Variants in SCLT1 observed in about 807,000 individuals in gnomAD.
The protein encoded by SCLT1 is sodium channel and clathrin linker 1.
SCLT1 carries 78 observed loss-of-function variants against 112.8 expected under a neutral mutation model. That is an observed-to-expected ratio of 0.69 (90% confidence interval 0.58 to 0.83). The LOEUF is 0.83. SCLT1 is among the 40% of genes least tolerant of loss of function. The pLI is 0.00. For missense variants in SCLT1, 747 were observed against 770.4 expected (o/e 0.97, Z 0.36); for synonymous variants, 257 against 254.7 (o/e 1.01, Z -0.09).
intron 17 of SCLT1, among the ~76,000 whole-genome samples, chr4:128,942,173 G>C (rs910581941): frequency 1.3e-5 from 2 of 151,934 alleles, no homozygotes; most frequent in Admixed American, 1.3e-4. Flanking sequence ...CGGAGTTCAA[G>C]GTTTTACAAA....
At chr4:129,003,902 AG>A in intron 5 of SCLT1, 26 bp from the exon 6 acceptor site, 1 of 1,605,004 alleles carries the variant, frequency 6.2e-7, no homozygotes, top group Non-Finnish European at 8.5e-7. Context: ...TTAACATGAT[AG>A]CCTCAAGTCA....
At chr4:128,923,813 T>C (rs1414805807) in intron 18 of SCLT1, among the ~76,000 whole-genome samples, 1 of 152,046 alleles carries the variant, frequency 6.6e-6, no homozygotes, top group African/African-American at 2.4e-5. Flanking sequence ...TGTGTCGATA[T>C]ATTTTGGTTT....
chr4:128,986,168 G>C (rs79083358), intron 9 of SCLT1, among the ~76,000 whole-genome samples: 33 of 152,184 alleles, frequency 2.2e-4, no homozygotes, highest in Non-Finnish European at 3.2e-4. Context: ...TGTGTGCTAG[G>C]GGGAGGGAGA....
At chr4:129,089,719 T>A (rs564339851) in intron 1 of SCLT1, among the ~76,000 whole-genome samples, 32 of 152,276 alleles carry the variant, frequency 2.1e-4, no homozygotes, top group African/African-American at 7.7e-4. Context: ...TGCTGGGACA[T>A]GGATGAAGCT....
chr4:128,898,099 C>T (rs1733938596), intron 18 of SCLT1, among the ~76,000 whole-genome samples: 1 of 152,126 alleles, frequency 6.6e-6, no homozygotes, highest in African/African-American at 2.4e-5. Flanking sequence ...CCACTGTCAA[C>T]ATTAGACAGA....
chr4:128,940,493 TATACAC>T (rs1560867329), intron 17 of SCLT1, among the ~76,000 whole-genome samples: 1 of 152,050 alleles, frequency 6.6e-6, no homozygotes, highest in East Asian at 1.9e-4. Flanking sequence ...TGTATGTGTG[TATACAC>T]ATAAATTTTT....
At chr4:128,957,901 ACTGATCATTC>A (rs1739352489) in intron 12 of SCLT1, among the ~76,000 whole-genome samples, 1 of 151,896 alleles carries the variant, frequency 6.6e-6, no homozygotes, top group South Asian at 2.1e-4. Context: ...CTCCTATCTC[ACTGATCATTC>A]CTCTTCAGTC....
intron 18 of SCLT1, among the ~76,000 whole-genome samples, chr4:128,926,023 A>C (rs974567435): frequency 6.6e-6 from 1 of 151,272 alleles, no homozygotes; most frequent in African/African-American, 2.4e-5. Flanking sequence ...TTAATTAATA[A>C]AAATTAAAAA....
At chr4:129,008,157 T>A (rs1025422771) in intron 5 of SCLT1, among the ~76,000 whole-genome samples, 1 of 152,214 alleles carries the variant, frequency 6.6e-6, no homozygotes, top group African/African-American at 2.4e-5. Context: ...ACCCCTTCCA[T>A]AGTTCCAAAC....
intron 5 of SCLT1, among the ~76,000 whole-genome samples, chr4:129,014,465 C>A (rs1579703873): frequency 6.6e-6 from 1 of 152,156 alleles, no homozygotes; most frequent in Admixed American, 6.5e-5. Context: ...TTTGAGGCTG[C>A]TGACCTTTCG....
chr4:129,029,797 G>A (rs1746528758), intron 5 of SCLT1, among the ~76,000 whole-genome samples: 1 of 152,122 alleles, frequency 6.6e-6, no homozygotes, highest in Admixed American at 6.5e-5. Context: ...AAATACATGA[G>A]CAACCAGATT....
intron 13 of SCLT1, among the ~76,000 whole-genome samples, chr4:128,954,028 A>G (rs1739008927): frequency 6.6e-6 from 1 of 152,088 alleles, no homozygotes; most frequent in African/African-American, 2.4e-5. Context: ...CATTTTGAAG[A>G]GTTAGTCACA....
intron 2 of SCLT1, among the ~76,000 whole-genome samples, chr4:129,062,397 C>T (rs191774225): frequency 1.3e-5 from 2 of 152,180 alleles, no homozygotes; most frequent in Admixed American, 6.5e-5. Flanking sequence ...CACTTTTTCT[C>T]TTTTAACCTT....
At chr4:128,911,089 C>T (rs893573607) in intron 18 of SCLT1, among the ~76,000 whole-genome samples, 1 of 152,054 alleles carries the variant, frequency 6.6e-6, no homozygotes, top group Non-Finnish European at 1.5e-5. Flanking sequence ...CATGGTGAAA[C>T]TCCATCTCTA....
intron 4 of SCLT1, chr4:128,874,476 A>AAAAAACAAAAC (rs1279742096): frequency 1.4e-5 from 2 of 147,892 alleles, no homozygotes; most frequent in Non-Finnish European, 3.0e-5. Context: ...GCTGAACCAA[A>AAAAAACAAAAC]AAAAACAAAA....
chr4:128,894,156 G>C (rs1733548344), intron 18 of SCLT1, among the ~76,000 whole-genome samples: 1 of 151,958 alleles, frequency 6.6e-6, no homozygotes, highest in Non-Finnish European at 1.5e-5. Context: ...TGCCCAGGTT[G>C]ATCTAGAACT....
At chr4:129,064,761 CT>C (rs1209803265) in intron 2 of SCLT1, among the ~76,000 whole-genome samples, 2 of 152,080 alleles carry the variant, frequency 1.3e-5, no homozygotes, top group Non-Finnish European at 2.9e-5. Context: ...TAGAAGCATA[CT>C]GTTAAATTTC....
intron 18 of SCLT1, among the ~76,000 whole-genome samples, chr4:128,935,690 GA>G (rs1302273663): frequency 7.9e-5 from 12 of 151,746 alleles, no homozygotes; most frequent in Non-Finnish European, 1.5e-5. Context: ...TTTTATTTTT[GA>G]TTTTTACTAT....
intron 18 of SCLT1, among the ~76,000 whole-genome samples, chr4:128,900,310 T>C (rs1488787447): frequency 1.3e-5 from 2 of 152,174 alleles, no homozygotes; most frequent in Admixed American, 6.5e-5. Flanking sequence ...AACAGCATGG[T>C]ACTGGTACCA....
Sources: allele counts gnomAD v4.1 joint callset (sites outside exome capture counted in the v4.1 genomes callset), GRCh38; gene constraint gnomAD v4.1.1; transcripts MANE v1.5; gene names NCBI Gene and HGNC (gene_info 2026-07-23, HGNC 2026-07-21).